ZNF423: variants seen among roughly 807,000 people sequenced by gnomAD.
The protein encoded by ZNF423 is zinc finger protein 423, also known as Ebf-associated zinc finger protein.
Under a neutral mutation model 95.8 loss-of-function variants are expected in ZNF423, and 12 were observed. The ratio of observed to expected loss-of-function variants is 0.13; its 90% CI spans 0.08 to 0.20. The LOEUF (loss-of-function observed/expected upper bound fraction) is 0.20, where lower values mean the gene tolerates loss of function less well. Among genes scored for constraint, ZNF423 ranks in the 10% least tolerant of loss-of-function variants. The probability of loss-of-function intolerance (pLI) is 1.00; values close to 1 mark genes in which losing one functional copy is unlikely to be tolerated. For missense variants in ZNF423, 1,316 were observed against 1,737.1 expected (o/e 0.76, Z 4.31); for synonymous variants, 749 against 711.9 (o/e 1.05, Z -0.83).
At position 49,855,570 on chromosome 16, in the gene ZNF423, T is replaced by TCCTCCGCCTCCGCCTCCG. The variant is rs759803732; in HGVS notation, c.40+147_40+164dup. ...CCTGCTCCCGGCTTCCTCCTCCCCC[T>TCCTCCGCCTCCGCCTCCG]CCTCCGCCTCCGCCTCCGCCTCCGC... is the stretch of plus-strand genomic sequence containing the variant. On this transcript the variant is annotated intron_variant, in intron 1 of 7. Coordinates refer to ENST00000563137, the MANE Select transcript of ZNF423 (RefSeq NM_001379286.1). This position sits in a 1 kb window ranked among gnomAD's most constrained non-coding sequence, Gnocchi z 4.7. 7.1e-6 allele frequency among the ~76,000 whole-genome samples: 1 copy of TCCTCCGCCTCCGCCTCCG among 141,204 alleles called. No individual in the cohort carries two copies. Among genetic ancestry groups the TCCTCCGCCTCCGCCTCCG allele is most frequent in the African/African-American group, 2.7e-5 (1 of 36,900 alleles). 92.6% of individuals were successfully genotyped at this position (141,204 alleles called of 152,430 possible). A position where few individuals can be genotyped will look rare whatever the true frequency, so the allele number is the denominator to read the frequency against.
intron 3 of ZNF423, among the ~76,000 whole-genome samples, chr16:49,729,682 T>TATC (rs2033114755): frequency 6.8e-6 from 1 of 147,222 alleles, no homozygotes; most frequent in South Asian, 2.1e-4. Flanking sequence ...TTATTATTAT[T>TATC]ATTTTAAAAA....
At chr16:49,839,533 T>G (rs1238938412) in intron 1 of ZNF423, among the ~76,000 whole-genome samples, 1 of 152,120 alleles carries the variant, frequency 6.6e-6, no homozygotes, top group Non-Finnish European at 1.5e-5. Context: ...GCCCTCCCAG[T>G]TACCTGTGCA....
intron 2 of ZNF423, among the ~76,000 whole-genome samples, chr16:49,784,593 T>C (rs1186706218): frequency 6.6e-6 from 1 of 152,182 alleles, no homozygotes; most frequent in Admixed American, 6.5e-5. Context: ...AGCTAGTCAA[T>C]GGAGATTATG....
chr16:49,737,781 C>T (rs534995654), intron 2 of ZNF423, among the ~76,000 whole-genome samples: 43 of 152,358 alleles, frequency 2.8e-4, no homozygotes, highest in Middle Eastern at 3.4e-3. Flanking sequence ...GGGCCTCACC[C>T]TCCCAAGGGC....
At chr16:49,746,996 CG>C (rs1397084340) in intron 2 of ZNF423, among the ~76,000 whole-genome samples, 1 of 152,094 alleles carries the variant, frequency 6.6e-6, no homozygotes, top group Non-Finnish European at 1.5e-5. Flanking sequence ...CTAGAACCAC[CG>C]GGAAAGAAGG....
intron 5 of ZNF423, among the ~76,000 whole-genome samples, chr16:49,577,171 T>C (rs1202304382): frequency 2.6e-5 from 4 of 152,100 alleles, no homozygotes; most frequent in African/African-American, 9.7e-5. Context: ...GCAGGAGCGG[T>C]GCTGTGAGCC....
At chr16:49,843,518 CTT>C (rs1246400691) in intron 1 of ZNF423, among the ~76,000 whole-genome samples, 3 of 152,160 alleles carry the variant, frequency 2.0e-5, no homozygotes, top group African/African-American at 7.2e-5. Flanking sequence ...AGATTGGAAA[CTT>C]AACTCATGTA....
chr16:49,794,284 G>A (rs1014413128), intron 1 of ZNF423, among the ~76,000 whole-genome samples: 3 of 150,422 alleles, frequency 2.0e-5, no homozygotes, highest in Non-Finnish European at 4.4e-5. Flanking sequence ...GCCCAGGCTG[G>A]TCTTGAACTC....
chr16:49,495,618 T>C (rs948040870), intron 7 of ZNF423, among the ~76,000 whole-genome samples: 2 of 152,144 alleles, frequency 1.3e-5, no homozygotes, highest in African/African-American at 4.8e-5. Flanking sequence ...CAATCCAGGG[T>C]AATGTTTTGT....
chr16:49,557,779 C>A (rs1442493569), intron 5 of ZNF423, among the ~76,000 whole-genome samples: 1 of 152,202 alleles, frequency 6.6e-6, no homozygotes, highest in Non-Finnish European at 1.5e-5. Context: ...ACAGGATGAG[C>A]ACGCAGGAGG....
chr16:49,770,935 CA>C (rs1196587271), intron 2 of ZNF423, among the ~76,000 whole-genome samples: 1 of 152,198 alleles, frequency 6.6e-6, no homozygotes, highest in Non-Finnish European at 1.5e-5. Flanking sequence ...TTCCAGCCCC[CA>C]CCTTCCCTCC....
chr16:49,812,978 AGT>A (rs1041055180), intron 1 of ZNF423, among the ~76,000 whole-genome samples: 7 of 152,088 alleles, frequency 4.6e-5, no homozygotes, highest in African/African-American at 1.4e-4. Context: ...TGTGTTTAAA[AGT>A]GTGTGTGTGT....
intron 5 of ZNF423, among the ~76,000 whole-genome samples, chr16:49,564,718 C>T (rs1970133286): frequency 6.6e-6 from 1 of 152,224 alleles, no homozygotes; most frequent in South Asian, 2.1e-4. Context: ...AGTGTGGAAA[C>T]ACCCAGATGT....
intron 2 of ZNF423, among the ~76,000 whole-genome samples, chr16:49,751,494 C>A (rs1436686613): frequency 6.6e-6 from 1 of 152,148 alleles, no homozygotes; most frequent in Non-Finnish European, 1.5e-5. Flanking sequence ...AGATGGGAGC[C>A]CACATGAGCC....
At chr16:49,783,581 G>T (rs1164399251) in intron 2 of ZNF423, among the ~76,000 whole-genome samples, 1 of 137,308 alleles carries the variant, frequency 7.3e-6, no homozygotes, top group Non-Finnish European at 1.6e-5. Flanking sequence ...AAGAGGGGGG[G>T]TTAGGTGTAG....
At chr16:49,761,077 C>T (rs890619477) in intron 2 of ZNF423, among the ~76,000 whole-genome samples, 1 of 152,166 alleles carries the variant, frequency 6.6e-6, no homozygotes, top group Non-Finnish European at 1.5e-5. Flanking sequence ...TGCACACACA[C>T]ACCCTCTGAG....
intron 3 of ZNF423, among the ~76,000 whole-genome samples, chr16:49,694,804 G>A (rs2031907560): frequency 6.6e-6 from 1 of 152,224 alleles, no homozygotes; most frequent in African/African-American, 2.4e-5. Context: ...AGCATCTTGA[G>A]GTAGGGTAGG....
At chr16:49,531,582 G>T (rs1293148913) in intron 5 of ZNF423, among the ~76,000 whole-genome samples, 1 of 152,162 alleles carries the variant, frequency 6.6e-6, no homozygotes, top group East Asian at 1.9e-4. Context: ...AAAGAGGAGG[G>T]CAGGTGATAA....
In ZNF423 at chr16:49,488,796, A is replaced by T. The variant is rs556176424; in HGVS notation, c.*2479T>A. On this transcript the variant is annotated 3_prime_UTR_variant, in exon 8 of 8. Coordinates refer to ENST00000563137, the MANE Select transcript of ZNF423 (RefSeq NM_001379286.1). ...TGCTCCCCAACCCTAATACCACCTG[A>T]TGGTAAAGAATGCCAGTCCCAGGAA... The T allele has an allele frequency of 8.5e-5, 13 of 152,368 alleles. No individual in the cohort carries two copies. Among genetic ancestry groups the T allele is most frequent in the African/African-American group, 2.9e-4 (12 of 41,534 alleles). 9.4% of individuals were successfully genotyped at this position (152,368 alleles called of 1,614,324 possible).
Sources: allele counts gnomAD v4.1 joint callset (sites outside exome capture counted in the v4.1 genomes callset), GRCh38; gene constraint gnomAD v4.1.1; non-coding constraint Gnocchi (gnomAD v3.1); transcripts MANE v1.5; gene names NCBI Gene and HGNC (gene_info 2026-07-23, HGNC 2026-07-21).